The following DDX11 variants were observed in gnomAD, a reference collection of about 807,000 sequenced individuals.
The protein encoded by DDX11 is ATP-dependent DNA helicase DDX11.
Under a neutral mutation model 125.2 loss-of-function variants are expected in DDX11, and 72 were observed. That is an observed-to-expected ratio of 0.58 (90% CI 0.48 to 0.70). The LOEUF is 0.70. Ranked by LOEUF, DDX11 falls within the 30% of genes least tolerant of loss-of-function variation. DDX11 has a pLI of 0.00. For missense variants in DDX11, 883 were observed against 1,165.0 expected (o/e 0.76, Z 3.52); for synonymous variants, 347 against 452.6 (o/e 0.77, Z 2.96).
intron 22 of DDX11, 57 bp from the exon 23 acceptor site, chr12:31,102,370 T>C: frequency 6.2e-7 from 1 of 1,609,188 alleles, no homozygotes; most frequent in South Asian, 1.1e-5. Context: ...GCTGGAAACG[T>C]TGTGGGTGTC....
At chr12:31,089,322 G>A (rs1943743174) in intron 7 of DDX11, 81 bp from the exon 8 acceptor site, 1 of 1,514,858 alleles carries the variant, frequency 6.6e-7, no homozygotes, top group Non-Finnish European at 9.1e-7. Flanking sequence ...AGGAGAGGTG[G>A]CGGGGCAGGT....
At chr12:31,092,246 G>A (rs536779611) in intron 10 of DDX11, among the ~76,000 whole-genome samples, 30 of 152,126 alleles carry the variant, frequency 2.0e-4, no homozygotes, top group Admixed American at 3.3e-4. Flanking sequence ...CAAGATCAGC[G>A]CAGGCTCCTC....
At chr12:31,091,513 C>A in intron 9 of DDX11, 1 of 582,322 alleles carries the variant, frequency 1.7e-6, no homozygotes, top group Non-Finnish European at 3.1e-6. Flanking sequence ...AGGAGTCAGA[C>A]CAGCCCTAGT....
At chr12:31,088,991 G>C (rs1565877089) in intron 6 of DDX11, 53 bp from the exon 7 acceptor site, 11 of 1,439,376 alleles carry the variant, frequency 7.6e-6, no homozygotes, top group Non-Finnish European at 9.8e-6. Flanking sequence ...GTTAGAGAAT[G>C]CTGTGGGATG....
rs184165998 is a variant in DDX11, at chr12:31,101,200, G to T, written c.2052+70G>T. ...GCAAAGGGTTTTCTGGGGCAGGGGC[G>T]CTCTGGCCCACCCTGAGTGTTTTCA... is the stretch of plus-strand genomic sequence containing the variant. On this transcript the variant is annotated intron_variant, in intron 20 of 26. Transcript: ENST00000542838. 11 of 1,321,098 alleles carry T rather than the reference G, an allele frequency of 8.3e-6. No individual in the cohort carries two copies. In the Admixed American group the frequency reaches 1.5e-4, roughly 18 times the overall value. 81.8% of individuals were successfully genotyped at this position (1,321,098 alleles called of 1,614,324 possible). A position where few individuals can be genotyped will look rare whatever the true frequency, so the allele number is the denominator to read the frequency against.
intron 2 of DDX11, among the ~76,000 whole-genome samples, chr12:31,079,854 G>A (rs1461186552): frequency 6.6e-6 from 1 of 151,700 alleles, no homozygotes; most frequent in African/African-American, 2.4e-5. Flanking sequence ...TTTTGGTGGG[G>A]ATACAATTCA....
rs1943955931 is a variant in DDX11, at chr12:31,090,179, T to G, written c.1089+85T>G. 7.5e-6 allele frequency: 9 copies of G among 1,206,854 alleles called. 1 individual carries two copies. In the South Asian group the frequency reaches 1.0e-4, roughly 14 times the overall value. The allele number at this position is 1,206,854 out of a possible 1,614,324, so 74.8% of individuals were successfully genotyped here. A position where few individuals can be genotyped will look rare whatever the true frequency, so the allele number is the denominator to read the frequency against. On this transcript the variant is annotated intron_variant, in intron 9 of 26. Coordinates refer to ENST00000542838, the MANE Select transcript of DDX11 (RefSeq NM_030653.4). ...GGGGGGTCCTCATCACACTGTAGTT[T>G]GGGGGATGCCCCCCACCGTGGTCAG...
At chr12:31,094,401 G>A in intron 12 of DDX11, 189 bp from the exon 13 acceptor site, 1 of 956,658 alleles carries the variant, frequency 1.0e-6, no homozygotes, top group Non-Finnish European at 1.6e-6. Flanking sequence ...AGTCAGACAT[G>A]GGAGGCTCCT....
At position 31,089,472 on chromosome 12, in the gene DDX11, A is replaced by T. The variant is rs1345051603; in HGVS notation, c.862A>T (p.Met288Leu). The change falls in exon 8 of 27, where the codon ATG (methionine) becomes TTG (leucine). Residue 288 changes from methionine (M) to leucine (L), a missense_variant. Coordinates refer to ENST00000542838, the MANE Select transcript of DDX11 (RefSeq NM_030653.4). ...VQLINDRCVDMQRSRHEKKKG... is the reference protein window; with the variant it reads ...VQLINDRCVDLQRSRHEKKKG... ...GCTTATCAACGACCGCTGTGTGGAC[A>T]TGCAGAGAAGCAGGCACGGTAGCCA... The T allele has an allele frequency of 3.7e-6, 6 of 1,613,812 alleles. No individual in the cohort carries two copies. Among genetic ancestry groups the T allele is most frequent in the Non-Finnish European group, 5.1e-6 (6 of 1,179,792 alleles).
At position 31,073,864 on chromosome 12, in the gene DDX11, T is replaced by C. The variant is rs950278375; in HGVS notation, c.-232T>C. ...TGCGCATGCGCAGCGGCGGGGGTTG[T>C]TCCGGCTGCCTTTCACTGAGGGGAC... On this transcript the variant is annotated 5_prime_UTR_variant, in exon 1 of 27. Transcript: ENST00000542838. 1 of 152,246 alleles carries C rather than the reference T, an allele frequency of 6.6e-6. No homozygotes were observed. Among genetic ancestry groups the C allele is most frequent in the South Asian group, 2.1e-4 (1 of 4,838 alleles). The allele number at this position is 152,246 out of a possible 1,614,324, so 9.4% of individuals were successfully genotyped here.
At chr12:31,091,941 C>A (rs1944316955) in intron 10 of DDX11, 70 bp downstream of exon 10, 16 of 1,603,640 alleles carry the variant, frequency 1.0e-5, no homozygotes, top group Non-Finnish European at 1.2e-5. Context: ...TTCCTCCAGA[C>A]ACCTGGGCCA....
chr12:31,088,706 A>C (rs1943612679), intron 6 of DDX11, among the ~76,000 whole-genome samples: 2 of 150,514 alleles, frequency 1.3e-5, no homozygotes, highest in Admixed American at 6.6e-5. Context: ...CCAACAACCC[A>C]CCCTCCCCAA....
At position 31,083,971 on chromosome 12, in the gene DDX11, T is replaced by C; in HGVS notation, c.303T>C (p.Ala101=). 1 of 1,613,956 alleles carries C rather than the reference T, an allele frequency of 6.2e-7. No homozygotes were observed. Among genetic ancestry groups the C allele is most frequent in the Non-Finnish European group, 8.5e-7 (1 of 1,179,850 alleles). ...GTCTGTCTTCTTCCTGCGAAGGGGC[T>C]GCAGGCACCCCGAGGCCTGCTGGAG... ...SLCLSSSCEG[A]AGTPRPAGEP... The change falls in exon 3 of 27, where the codon GCT becomes GCC. Residue 101 remains alanine (A), a synonymous_variant. Transcript: ENST00000542838.
At chr12:31,099,084 C>CTTTTTTTTTTTTT (rs763612105) in intron 18 of DDX11, among the ~76,000 whole-genome samples, 26 of 63,716 alleles carry the variant, frequency 4.1e-4, no homozygotes, top group African/African-American at 1.2e-3. Flanking sequence ...TTCTTTCTTT[C>CTTTTTTTTTTTTT]TTTTTTTTTT....
chr12:31,099,080 C>CTTTTTTTTTGTTTT, intron 18 of DDX11, among the ~76,000 whole-genome samples: 1 of 81,328 alleles, frequency 1.2e-5, no homozygotes. Context: ...TTCTTTCTTT[C>CTTTTTTTTTGTTTT]TTTCTTTTTT....
chr12:31,093,434 G>A (rs765405052), intron 12 of DDX11, 110 bp downstream of exon 12: 92 of 1,469,386 alleles, frequency 6.3e-5, no homozygotes, highest in Middle Eastern at 1.7e-4. Context: ...AAGAAGGGTC[G>A]GCCGGGTGCG....
intron 18 of DDX11, among the ~76,000 whole-genome samples, chr12:31,099,606 C>T (rs1946029007): frequency 6.6e-6 from 1 of 150,532 alleles, no homozygotes. Flanking sequence ...ACTAAGGATG[C>T]CTGGTCACTA....
chr12:31,079,730 C>G (rs1158218259), intron 2 of DDX11, among the ~76,000 whole-genome samples: 1 of 152,204 alleles, frequency 6.6e-6, no homozygotes, highest in Non-Finnish European at 1.5e-5. Context: ...ATCCTCCCCT[C>G]TCAGCCTCCC....
At position 31,104,102 on chromosome 12, in the gene DDX11, C is replaced by T. The variant is rs1946875991; in HGVS notation, c.*266C>T. ...CCTCCTGGAATAGAATCTTTCTTTC[C>T]ATCCTGCATGGCTGAGAGCCAGGCT... On this transcript the variant is annotated 3_prime_UTR_variant, in exon 27 of 27. Transcript: ENST00000542838. 3 of 1,504,042 alleles carry T rather than the reference C, an allele frequency of 2.0e-6. No homozygotes were observed. Among genetic ancestry groups the T allele is most frequent in the Non-Finnish European group, 2.7e-6 (3 of 1,125,344 alleles). 93.2% of individuals were successfully genotyped at this position (1,504,042 alleles called of 1,614,324 possible). A position where few individuals can be genotyped will look rare whatever the true frequency, so the allele number is the denominator to read the frequency against.
Sources: allele counts gnomAD v4.1 joint callset (sites outside exome capture counted in the v4.1 genomes callset), GRCh38; gene constraint gnomAD v4.1.1; transcripts MANE v1.5; gene names NCBI Gene and HGNC (gene_info 2026-07-23, HGNC 2026-07-21).